The following ASCC3 variants were observed in gnomAD, a reference collection of about 807,000 sequenced individuals.
ASCC3 encodes the protein activating signal cointegrator 1 complex subunit 3, also known as ASC-1 complex subunit P200.
In ASCC3, 158 loss-of-function variants were observed where a neutral mutation model predicts 256.3. The ratio of observed to expected loss-of-function variants is 0.62; its 90% CI spans 0.54 to 0.70. The LOEUF is 0.70. Among genes scored for constraint, ASCC3 ranks in the 30% least tolerant of loss-of-function variants. The pLI, the probability that ASCC3 is intolerant of heterozygous loss-of-function variation, is 0.00. For missense variants in ASCC3, 2,259 were observed against 2,626.0 expected (o/e 0.86, Z 3.05); for synonymous variants, 948 against 883.4 (o/e 1.07, Z -1.30).
chr6:100,810,075 A>C (rs1004553081), intron 4 of ASCC3, among the ~76,000 whole-genome samples: 1 of 152,132 alleles, frequency 6.6e-6, no homozygotes, highest in African/African-American at 2.4e-5. Flanking sequence ...AAGTACGCCC[A>C]CATGATTGAT....
intron 32 of ASCC3, among the ~76,000 whole-genome samples, chr6:100,605,959 T>C (rs1772863650): frequency 6.6e-6 from 1 of 152,026 alleles, no homozygotes; most frequent in African/African-American, 2.4e-5. Flanking sequence ...TTTATAGATG[T>C]AAGAAAGATG....
intron 13 of ASCC3, among the ~76,000 whole-genome samples, chr6:100,687,325 C>T (rs1272737223): frequency 1.3e-5 from 2 of 151,868 alleles, no homozygotes; most frequent in African/African-American, 4.8e-5. Flanking sequence ...TGTCTTGTAT[C>T]GTTTGTCTTA....
rs1011890003 is a variant in ASCC3, at chr6:100,806,006, A to G, written c.802-126T>C. The G allele has an allele frequency of 6.7e-6, 6 of 889,570 alleles. No homozygotes were observed. The Admixed American group carries it at 1.6e-4, about 23-fold the overall frequency. 55.1% of individuals were successfully genotyped at this position (889,570 alleles called of 1,614,324 possible). Reference sequence around the variant, plus strand: ...TATAGAAATACTCAAAAAATTTAATAAAAATGGTACCTTAAACTAAGAAAA... The same window carrying G: ...TATAGAAATACTCAAAAAATTTAATGAAAATGGTACCTTAAACTAAGAAAA... On this transcript the variant is annotated intron_variant, in intron 4 of 41. Coordinates refer to ENST00000369162, the MANE Select transcript of ASCC3 (RefSeq NM_006828.4).
chr6:100,784,006 T>A (rs1782575007), intron 8 of ASCC3, among the ~76,000 whole-genome samples: 1 of 152,118 alleles, frequency 6.6e-6, no homozygotes, highest in South Asian at 2.1e-4. Flanking sequence ...GATAAATGGC[T>A]AGTAAATTGC....
intron 34 of ASCC3, among the ~76,000 whole-genome samples, chr6:100,598,369 T>C (rs1016058362): frequency 2.6e-5 from 4 of 152,170 alleles, no homozygotes; most frequent in African/African-American, 4.8e-5. Context: ...TACTCATTTA[T>C]TTACATGGAC....
intron 10 of ASCC3, among the ~76,000 whole-genome samples, chr6:100,747,215 C>T (rs1273328598): frequency 1.3e-5 from 2 of 150,602 alleles, no homozygotes; most frequent in Non-Finnish European, 3.0e-5. Context: ...GATGATACTA[C>T]ACACCAACTA....
chr6:100,681,725 CAAAAAAAAAAAA>C (rs10696130), intron 13 of ASCC3, among the ~76,000 whole-genome samples: 1 of 58,684 alleles, frequency 1.7e-5, no homozygotes, highest in Admixed American at 2.7e-4. Context: ...GACTCCGTCT[CAAAAAAAAAAAA>C]AAAAAAAAAA....
chr6:100,619,068 G>A (rs1156334026), intron 30 of ASCC3, among the ~76,000 whole-genome samples: 2 of 152,182 alleles, frequency 1.3e-5, no homozygotes, highest in Admixed American at 6.5e-5. Context: ...CTATCCTGCA[G>A]GATGAGGTGT....
At position 100,652,731 on chromosome 6, in the gene ASCC3, G is replaced by A; in HGVS notation, c.2982C>T (p.Thr994=). Residue 994 remains threonine (T), a synonymous_variant, in exon 18 of 42, where the codon ACC becomes ACT. Coordinates refer to ENST00000369162, the MANE Select transcript of ASCC3 (RefSeq NM_006828.4). ...ATTTGCATTAGTATAATACCTCAAT[G>A]GTGTTGTATTTAATATAGTAATGGC... is the stretch of plus-strand genomic sequence containing the variant. The part of the protein sequence containing the change: ...TASHYYIKYN[T]IETFNELFDA... 6.2e-7 allele frequency: 1 copy of A among 1,612,714 alleles called. No homozygotes were observed. The highest frequency in any genetic ancestry group is 8.5e-7 in the Non-Finnish European group (1 of 1,179,008).
chr6:100,766,570 T>A lies in ASCC3; in HGVS notation c.1732A>T (p.Thr578Ser). ...AATCTAGGTAAACAACATACCTGAG[T>A]TCGTAAAATTTCACTTTTGGACAAC... ...MQLSKSEILR[T>S]QMLVTTPEKW... Residue 578 changes from threonine to serine, a missense_variant, in exon 10 of 42, where the codon ACT becomes TCT. By Grantham distance (58) the Thr-to-Ser change is moderately conservative. Around this residue, in one of 2 missense-constraint regions of ASCC3, gnomAD observed 1,839 missense variants for 2,206.7 expected, o/e 0.83. Coordinates refer to ENST00000369162, the MANE Select transcript of ASCC3 (RefSeq NM_006828.4). The A allele has an allele frequency of 6.2e-7, 1 of 1,613,948 alleles. No homozygotes were observed. Among genetic ancestry groups the A allele is most frequent in the Non-Finnish European group, 8.5e-7 (1 of 1,179,928 alleles).
chr6:100,606,891 A>C, intron 31 of ASCC3, 31 bp from the exon 32 acceptor site: 1 of 1,605,208 alleles, frequency 6.2e-7, no homozygotes, highest in Non-Finnish European at 8.5e-7. Context: ...TCTTATATCT[A>C]AGTAAAATAT....
chr6:100,718,019 A>G (rs1779164076), intron 12 of ASCC3, 56 bp downstream of exon 12: 2 of 1,549,072 alleles, frequency 1.3e-6, no homozygotes, highest in Admixed American at 1.7e-5. Flanking sequence ...CCAAACAAGT[A>G]TTCAATAATA....
chr6:100,801,738 A>G (rs1465690839), intron 5 of ASCC3, among the ~76,000 whole-genome samples: 1 of 151,802 alleles, frequency 6.6e-6, no homozygotes, highest in Admixed American at 6.6e-5. Context: ...AGTCTTACAT[A>G]CCTACTATAA....
chr6:100,818,465 G>T (rs1160908330), intron 4 of ASCC3, among the ~76,000 whole-genome samples: 1 of 151,286 alleles, frequency 6.6e-6, no homozygotes, highest in African/African-American at 2.4e-5. Context: ...TACTCAGGAG[G>T]TTGAGGCAGG....
intron 3 of ASCC3, chr6:100,857,305 CT>C (rs1344421852): frequency 6.6e-6 from 1 of 151,976 alleles, no homozygotes; most frequent in East Asian, 1.9e-4. Context: ...TAAAAGCTCT[CT>C]TTTTGGTTAT....
At chr6:100,817,316 T>A (rs1582907706) in intron 4 of ASCC3, among the ~76,000 whole-genome samples, 1 of 151,436 alleles carries the variant, frequency 6.6e-6, no homozygotes, top group East Asian at 1.9e-4. Context: ...TAAATGCATA[T>A]ATAAAGAAAA....
chr6:100,738,450 TCAC>T (rs1325194719), intron 10 of ASCC3, among the ~76,000 whole-genome samples: 1 of 152,148 alleles, frequency 6.6e-6, no homozygotes, highest in Non-Finnish European at 1.5e-5. Context: ...GCCAGTTCTC[TCAC>T]CACCATTTAT....
At chr6:100,579,153 A>G (rs1582483075) in intron 36 of ASCC3, among the ~76,000 whole-genome samples, 1 of 145,892 alleles carries the variant, frequency 6.9e-6, no homozygotes, top group Non-Finnish European at 1.5e-5. Context: ...CTGTTCATTC[A>G]TCTCCTTTGC....
chr6:100,697,756 TA>T (rs1778161352), intron 13 of ASCC3, among the ~76,000 whole-genome samples: 2 of 151,922 alleles, frequency 1.3e-5, no homozygotes, highest in Non-Finnish European at 2.9e-5. Flanking sequence ...GGCCAAGAGG[TA>T]AAAAGAAATA....
Sources: gnomAD v4.1 joint callset for allele counts (sites outside exome capture counted in the v4.1 genomes callset) on GRCh38, gnomAD v4.1.1 for gene constraint, gnomAD v4.1.1 regional missense constraint, MANE v1.5 for transcripts, NCBI Gene and HGNC (gene_info 2026-07-23, HGNC 2026-07-21) for gene names.